The following GRIP1 variants were observed in gnomAD, a reference collection of about 807,000 sequenced individuals.
GRIP1 encodes the protein glutamate receptor-interacting protein 1.
A neutral mutation model predicts 129.9 loss-of-function variants in GRIP1; 45 were observed. The ratio of observed to expected loss-of-function variants is 0.35; its 90% CI spans 0.27 to 0.44. The LOEUF is 0.44. Among genes scored for constraint, GRIP1 ranks in the 20% least tolerant of loss-of-function variants. The probability of loss-of-function intolerance (pLI) is 1.00; values close to 1 mark genes in which losing one functional copy is unlikely to be tolerated. For missense variants in GRIP1, 1,196 were observed against 1,396.8 expected, an observed-to-expected ratio of 0.86 and a Z score of 2.29; for synonymous variants, 530 against 520.8, an observed-to-expected ratio of 1.02 and a Z score of -0.24.
chr12:66,480,020 T>C (rs1174970849), intron 7 of GRIP1, among the ~76,000 whole-genome samples: 1 of 152,170 alleles, frequency 6.6e-6, no homozygotes, highest in Admixed American at 6.5e-5. Context: ...AAGACAAGGA[T>C]GCCCTCTCTC....
intron 1 of GRIP1, among the ~76,000 whole-genome samples, chr12:66,741,753 A>G (rs2036795045): frequency 2.0e-5 from 3 of 152,208 alleles, no homozygotes; most frequent in Non-Finnish European, 4.4e-5. Flanking sequence ...GACTAGCTAC[A>G]TTTCAAATGC....
rs569178110 is a variant in GRIP1 at position 66,778,236 on chromosome 12, G to A, written c.-420+25817C>T. On this transcript the variant is annotated intron_variant, in intron 1 of 4. Coordinates refer to the GRIP1 transcript ENST00000538373. ...TTGTGATTTGTATTATATTTCTATT[G>A]AACAATAAAACGATCTCTCCAAAAA... Among the ~76,000 whole-genome samples the A allele has an allele frequency of 2.0e-5, 3 of 151,822 alleles. No homozygotes were observed. The South Asian group carries it at 6.2e-4, about 32-fold the overall frequency.
intron 1 of GRIP1, among the ~76,000 whole-genome samples, chr12:66,921,483 G>A (rs923950669): frequency 5.9e-5 from 9 of 152,238 alleles, no homozygotes; most frequent in African/African-American, 1.9e-4. Flanking sequence ...ATATTTCCCA[G>A]GTGAATCCAC....
At chr12:66,775,023 T>G (rs750165431) in intron 1 of GRIP1, among the ~76,000 whole-genome samples, 3 of 152,140 alleles carry the variant, frequency 2.0e-5, no homozygotes, top group Admixed American at 1.3e-4. Flanking sequence ...CAAAGATGAT[T>G]TGGAAAGATG....
At chr12:66,441,653 A>G (rs1386703874) in intron 13 of GRIP1, among the ~76,000 whole-genome samples, 3 of 152,184 alleles carry the variant, frequency 2.0e-5, no homozygotes, top group African/African-American at 7.2e-5. Context: ...TTCTCTTTCA[A>G]TGATCTGAAA....
chr12:66,468,384 A>C (rs2059344934), intron 7 of GRIP1, among the ~76,000 whole-genome samples: 2 of 152,358 alleles, frequency 1.3e-5, no homozygotes, highest in South Asian at 4.1e-4. Flanking sequence ...TATCGTATTT[A>C]TGTGAGCATT....
chr12:67,057,632 T>TAAC (rs892463566), intron 1 of GRIP1, among the ~76,000 whole-genome samples: 11 of 152,036 alleles, frequency 7.2e-5, no homozygotes, highest in Non-Finnish European at 1.0e-4. Context: ...CTGTGAGCAA[T>TAAC]AACAACAACA....
chr12:66,754,080 C>G (rs2037209643), intron 1 of GRIP1, among the ~76,000 whole-genome samples: 2 of 152,220 alleles, frequency 1.3e-5, no homozygotes, highest in Non-Finnish European at 2.9e-5. Flanking sequence ...ACAATAAATG[C>G]ATCTCCTCTT....
At chr12:66,394,060 A>G in intron 17 of GRIP1, 148 bp downstream of exon 17, 2 of 825,526 alleles carry the variant, frequency 2.4e-6, no homozygotes, top group South Asian at 1.5e-5. Context: ...ACTCTGCCTG[A>G]GAGTTCTCAG....
At chr12:66,652,720 C>G (rs1450004285) in intron 1 of GRIP1, among the ~76,000 whole-genome samples, 1 of 152,194 alleles carries the variant, frequency 6.6e-6, no homozygotes, top group Non-Finnish European at 1.5e-5. Flanking sequence ...GGCCATGTCC[C>G]CATCACTCCA....
At chr12:66,986,858 T>A (rs28532293) in intron 1 of GRIP1, among the ~76,000 whole-genome samples, 26 of 53,964 alleles carry the variant, frequency 4.8e-4, no homozygotes, top group Middle Eastern at 7.4e-3. Context: ...TAAAAAATTT[T>A]AAAAAAATAA....
At chr12:66,827,387 T>TGTGTGAGAGAGA (rs755458052) in intron 1 of GRIP1, among the ~76,000 whole-genome samples, 236 of 108,270 alleles carry the variant, frequency 2.2e-3, no homozygotes, top group Middle Eastern at 0.01. Context: ...TGTGTGTGTG[T>TGTGTGAGAGAGA]GAGAGAGAGA....
intron 23 of GRIP1, among the ~76,000 whole-genome samples, chr12:66,363,688 G>T (rs999706452): frequency 6.6e-6 from 1 of 152,010 alleles, no homozygotes; most frequent in African/African-American, 2.4e-5. Flanking sequence ...TTGTGACGAT[G>T]TGGATGAACC....
intron 1 of GRIP1, among the ~76,000 whole-genome samples, chr12:66,933,891 T>G (rs904107899): frequency 1.3e-5 from 2 of 152,170 alleles, no homozygotes; most frequent in African/African-American, 4.8e-5. Context: ...GGGAACCCTT[T>G]TTTCCTAGAA....
intron 1 of GRIP1, among the ~76,000 whole-genome samples, chr12:67,049,542 C>G (rs2043307791): frequency 6.6e-6 from 1 of 152,056 alleles, no homozygotes; most frequent in African/African-American, 2.4e-5. Context: ...AGGGGAACTT[C>G]ACACACCAGG....
At chr12:66,640,897 C>A (rs1303304366) in intron 1 of GRIP1, among the ~76,000 whole-genome samples, 2 of 152,166 alleles carry the variant, frequency 1.3e-5, no homozygotes, top group Non-Finnish European at 2.9e-5. Flanking sequence ...ATAAATCCCA[C>A]TGGGGGAAAA....
At chr12:66,955,691 G>C (rs2137511475) in intron 1 of GRIP1, among the ~76,000 whole-genome samples, 1 of 151,886 alleles carries the variant, frequency 6.6e-6, no homozygotes, top group Middle Eastern at 3.4e-3. Context: ...ATTTTTAGTA[G>C]AGACAGGGTT....
At chr12:66,506,722 T>A (rs1394124461) in intron 7 of GRIP1, among the ~76,000 whole-genome samples, 1 of 152,188 alleles carries the variant, frequency 6.6e-6, no homozygotes, top group Non-Finnish European at 1.5e-5. Flanking sequence ...TTTAGTAATA[T>A]AAAAGTAACT....
intron 2 of GRIP1, among the ~76,000 whole-genome samples, chr12:66,561,806 G>T (rs562161008): frequency 6.6e-6 from 1 of 152,256 alleles, no homozygotes; most frequent in Non-Finnish European, 1.5e-5. Flanking sequence ...TGCTAAGAAA[G>T]AATATGTCTG....
Sources: allele counts gnomAD v4.1 joint callset (sites outside exome capture counted in the v4.1 genomes callset), GRCh38; gene constraint gnomAD v4.1.1; transcripts MANE v1.5; gene names NCBI Gene and HGNC (gene_info 2026-07-23, HGNC 2026-07-21).